The following EDIL3 variants were observed in gnomAD, a reference collection of about 807,000 sequenced individuals.
EDIL3 encodes EGF-like repeat and discoidin I-like domain-containing protein 3.
In EDIL3, 37 loss-of-function variants were observed where a neutral mutation model predicts 67.4. The ratio of observed to expected loss-of-function variants is 0.55; its 90% confidence interval spans 0.42 to 0.72. The LOEUF is 0.72. Ranked by LOEUF, EDIL3 falls within the 30% of genes least tolerant of loss-of-function variation. The pLI, the probability that EDIL3 is intolerant of heterozygous loss-of-function variation, is 0.00. For missense variants in EDIL3, 527 were observed against 586.3 expected (o/e 0.90, Z 1.04); for synonymous variants, 195 against 196.3 (o/e 0.99, Z 0.05).
intron 6 of EDIL3, among the ~76,000 whole-genome samples, chr5:84,098,804 G>A (rs1747311320): frequency 6.6e-6 from 1 of 152,128 alleles, no homozygotes; most frequent in African/African-American, 2.4e-5. Context: ...ACATCAAAAA[G>A]TTAGAAAGAT....
At position 84,379,650 on chromosome 5, in the gene EDIL3, G is replaced by T. The variant is rs191483307; in HGVS notation, c.67+4658C>A. The stretch of plus-strand genomic sequence containing the variant: ...CTCATAGCTCTCTGTGTTTTTCCTT[G>T]GAAGGTACTTAGAAGACTCCCTCTA... On this transcript the variant is annotated intron_variant, in intron 1 of 10. Coordinates refer to ENST00000296591, the MANE Select transcript of EDIL3 (RefSeq NM_005711.5). Among the ~76,000 whole-genome samples the T allele has an allele frequency of 2.6e-5, 4 of 152,012 alleles. No individual in the cohort carries two copies. The East Asian group carries it at 7.7e-4, about 29-fold the overall frequency.
chr5:84,105,939 T>C (rs1037341830), intron 6 of EDIL3, among the ~76,000 whole-genome samples: 12 of 152,072 alleles, frequency 7.9e-5, no homozygotes, highest in Admixed American at 7.2e-4. Context: ...TACACATCAA[T>C]GACTTGTTAG....
chr5:84,251,322 A>G (rs1028277905), intron 2 of EDIL3, among the ~76,000 whole-genome samples: 16 of 151,772 alleles, frequency 1.1e-4, no homozygotes, highest in African/African-American at 3.9e-4. Flanking sequence ...TATGTTGGCC[A>G]GGCTGGTCTC....
chr5:84,008,932 C>T (rs916112565), intron 9 of EDIL3, among the ~76,000 whole-genome samples: 1 of 152,154 alleles, frequency 6.6e-6, no homozygotes, highest in African/African-American at 2.4e-5. Flanking sequence ...CCTGCCTCAG[C>T]CTCCCGAGTA....
chr5:83,985,383 T>G (rs1745041955), intron 9 of EDIL3, among the ~76,000 whole-genome samples: 1 of 152,150 alleles, frequency 6.6e-6, no homozygotes, highest in Admixed American at 6.6e-5. Context: ...TTAAAGACTC[T>G]AATTCTTTTC....
intron 3 of EDIL3, among the ~76,000 whole-genome samples, chr5:84,226,891 A>G (rs1744462774): frequency 6.6e-6 from 1 of 152,004 alleles, no homozygotes; most frequent in South Asian, 2.1e-4. Context: ...GTTGCATTTC[A>G]CAAAAAGGCC....
chr5:84,319,494 C>CAAAAAAAAAAAAAAAAAAAAAAAAAA (rs55738450), intron 1 of EDIL3, among the ~76,000 whole-genome samples: 20 of 42,838 alleles, frequency 4.7e-4, no homozygotes, highest in Admixed American at 6.6e-4. Context: ...CAAAAAACAA[C>CAAAAAAAAAAAAAAAAAAAAAAAAAA]AAAAAAAAAA....
At chr5:84,043,748 A>G (rs1746172743) in intron 9 of EDIL3, among the ~76,000 whole-genome samples, 1 of 152,226 alleles carries the variant, frequency 6.6e-6, no homozygotes, top group Non-Finnish European at 1.5e-5. Flanking sequence ...ACATGTGTAT[A>G]CATATGTACA....
chr5:84,051,308 T>C (rs1226829627), intron 9 of EDIL3, among the ~76,000 whole-genome samples: 2 of 152,036 alleles, frequency 1.3e-5, no homozygotes, highest in Non-Finnish European at 2.9e-5. Flanking sequence ...CAAAACCCCA[T>C]ATGTCACCAT....
At chr5:84,053,535 A>C (rs1265214941) in intron 9 of EDIL3, among the ~76,000 whole-genome samples, 4 of 152,148 alleles carry the variant, frequency 2.6e-5, no homozygotes, top group East Asian at 1.9e-4. Context: ...TTTTTTGAAA[A>C]GATCAACAAA....
At chr5:84,028,463 C>T (rs1340022901) in intron 9 of EDIL3, among the ~76,000 whole-genome samples, 2 of 152,052 alleles carry the variant, frequency 1.3e-5, no homozygotes, top group Non-Finnish European at 2.9e-5. Flanking sequence ...TTGATTCTAC[C>T]ATACGTTAGT....
chr5:84,219,762 A>C (rs1280529639), intron 3 of EDIL3, among the ~76,000 whole-genome samples: 1 of 152,226 alleles, frequency 6.6e-6, no homozygotes, highest in African/African-American at 2.4e-5. Flanking sequence ...ACATATGGAC[A>C]ATGGAGTACT....
At chr5:84,158,194 A>G (rs1399533737) in intron 4 of EDIL3, among the ~76,000 whole-genome samples, 1 of 152,080 alleles carries the variant, frequency 6.6e-6, no homozygotes, top group Admixed American at 6.6e-5. Context: ...GATAGAGTTA[A>G]GTAATATTTT....
rs181313469 is a variant in EDIL3 at position 84,061,440 on chromosome 5, G to T, written c.953-956C>A. Among the ~76,000 whole-genome samples the T allele has an allele frequency of 1.8e-3, 274 of 152,158 alleles. 1 individual carries two copies. The highest frequency in any genetic ancestry group is 3.2e-3 in the Non-Finnish European group (218 of 67,970). On this transcript the variant is annotated intron_variant, in intron 8 of 10. Transcript: ENST00000296591. The stretch of plus-strand genomic sequence containing the variant: ...AAAGCATGATTCTATCATCATATGA[G>T]CCCGGGGCTGAGTCTTCTTTATGTG...
In EDIL3 at chr5:84,156,489, C is replaced by T. The variant is rs549821428; in HGVS notation, c.356-19135G>A. Among the ~76,000 whole-genome samples, 16 of 152,268 alleles carry T rather than the reference C, an allele frequency of 1.1e-4. No homozygotes were observed. In the South Asian group the frequency reaches 2.1e-3, roughly 20 times the overall value. On this transcript the variant is annotated intron_variant, in intron 4 of 10. Transcript: ENST00000296591. ...AAATTCACTGGGGTGCTAATAGTCC[C>T]TCTCGCTACTTTTAGTCTATTACAA...
At chr5:84,067,186 T>A (rs1052699065) in intron 6 of EDIL3, among the ~76,000 whole-genome samples, 17 of 152,184 alleles carry the variant, frequency 1.1e-4, no homozygotes, top group Non-Finnish European at 2.5e-4. Flanking sequence ...AAAAATTAAA[T>A]GATTGCTTTT....
intron 9 of EDIL3, among the ~76,000 whole-genome samples, chr5:83,982,820 A>G (rs1744994137): frequency 6.6e-6 from 1 of 152,106 alleles, no homozygotes; most frequent in Non-Finnish European, 1.5e-5. Flanking sequence ...CTTGTAGGTG[A>G]CAGAATAAAG....
At chr5:83,993,945 T>C (rs540926668) in intron 9 of EDIL3, among the ~76,000 whole-genome samples, 2 of 152,194 alleles carry the variant, frequency 1.3e-5, no homozygotes, top group Non-Finnish European at 2.9e-5. Flanking sequence ...AATTCTACTG[T>C]TGCTTATATT....
At chr5:84,050,133 G>A (rs573291219) in intron 9 of EDIL3, among the ~76,000 whole-genome samples, 2 of 145,344 alleles carry the variant, frequency 1.4e-5, no homozygotes, top group South Asian at 2.2e-4. Context: ...GGGAGGCGGA[G>A]CTTGCAGTGA....
Sources: gnomAD v4.1 joint callset for allele counts (sites outside exome capture counted in the v4.1 genomes callset) on GRCh38, gnomAD v4.1.1 for gene constraint, MANE v1.5 for transcripts, NCBI Gene and HGNC (gene_info 2026-07-23, HGNC 2026-07-21) for gene names.